The following XIST variants were observed in gnomAD, a reference collection of about 807,000 sequenced individuals.
XIST encodes the protein X inactive specific transcript.
chrX:73,849,335 C>T lies in XIST; in HGVS notation n.3389G>A, dbSNP rs906096456. ...ACAAAAGACGGGTTGTCTGCGACCC[C>T]CTGCTGAATGCAAATGGGGTTCAGA... is the stretch of plus-strand genomic sequence containing the variant. On this transcript the variant is annotated non_coding_transcript_exon_variant, in exon 1 of 6. Transcript: ENST00000429829. The T allele has an allele frequency of 7.2e-6, 4 of 557,123 alleles. No individual in the cohort carries two copies. The African/African-American group carries it at 8.9e-5, about 12-fold the overall frequency. The allele number at this position is 557,123 out of a possible 1,213,427, so 45.9% of individuals were successfully genotyped here.
exon 1 of XIST, chrX:73,850,758 T>TGGGGGGGGGGGGGGGGGGGGGGG: frequency 6.9e-6 from 1 of 144,530 alleles, no homozygotes; most frequent in Non-Finnish European, 1.3e-5. Flanking sequence ...TTGGGGGGGT[T>TGGGGGGGGGGGGGGGGGGGGGGG]GGGGGGTGGG....
At chrX:73,841,833 C>T (rs1922595785) in exon 1 of XIST, 2 of 513,166 alleles carry the variant, frequency 3.9e-6, no homozygotes, top group Non-Finnish European at 7.0e-6. Context: ...AGCACCTCTG[C>T]ATATGTTCCC....
exon 1 of XIST, chrX:73,843,825 G>A (rs1246078743): frequency 7.2e-6 from 4 of 558,754 alleles, no homozygotes; most frequent in Non-Finnish European, 1.3e-5. Context: ...CATATTAACA[G>A]TCCAAAACAA....
At chrX:73,852,583 G>A (rs751253925) in exon 1 of XIST, 2 of 491,655 alleles carry the variant, frequency 4.1e-6, no homozygotes, top group South Asian at 5.8e-5. Flanking sequence ...ATATTTTATG[G>A]AATTTAGGTG....
chrX:73,831,114 C>G, exon 4 of XIST: 1 of 558,186 alleles, frequency 1.8e-6, no homozygotes, highest in South Asian at 2.2e-5. Context: ...TATCTGGGAC[C>G]AGGAAAGTAT....
At chrX:73,826,305 A>T (rs770341302) in exon 6 of XIST, 2 of 559,228 alleles carry the variant, frequency 3.6e-6, no homozygotes, top group Non-Finnish European at 6.5e-6. Context: ...TGGGGTCAAA[A>T]GAAAGGACTG....
In XIST at chrX:73,848,663, G is replaced by A. The variant is rs371789423; in HGVS notation, n.4061C>T. 1.5e-3 allele frequency: 824 copies of A among 556,594 alleles called. 2 individuals carry two copies. Among genetic ancestry groups the A allele is most frequent in the South Asian group, 5.8e-3 (257 of 44,595 alleles). The allele number at this position is 556,594 out of a possible 1,213,427, so 45.9% of individuals were successfully genotyped here. On this transcript the variant is annotated non_coding_transcript_exon_variant, in exon 1 of 6. Transcript: ENST00000429829. Reference sequence around the variant, plus strand: ...AGCTGTTATTGAATAATCTGCACTCGTTAGCAACATCCCACAGAAGGTGGG... The same window carrying A: ...AGCTGTTATTGAATAATCTGCACTCATTAGCAACATCCCACAGAAGGTGGG...
At chrX:73,823,512 T>C (rs1366611194) in exon 6 of XIST, 2 of 541,137 alleles carry the variant, frequency 3.7e-6, no homozygotes, top group Non-Finnish European at 6.6e-6. Flanking sequence ...AATGGTATAT[T>C]CCACATAAAA....
exon 6 of XIST, chrX:73,825,734 T>C: frequency 1.9e-6 from 1 of 515,444 alleles, no homozygotes; most frequent in South Asian, 2.5e-5. Flanking sequence ...TGTGGACCCC[T>C]GATTTACATA....
exon 1 of XIST, chrX:73,850,775 G>C: frequency 2.0e-6 from 1 of 494,801 alleles, no homozygotes. Flanking sequence ...TGGGGGGGGA[G>C]GTATACTTAG....
exon 1 of XIST, chrX:73,843,816 A>G (rs769879284): frequency 4.5e-5 from 25 of 557,297 alleles, no homozygotes; most frequent in Non-Finnish European, 7.8e-5. Flanking sequence ...GTAATTGCAC[A>G]TATTAACAGT....
exon 6 of XIST, chrX:73,823,212 C>T (rs1330041928): frequency 3.7e-6 from 2 of 540,697 alleles, no homozygotes; most frequent in Admixed American, 4.7e-5. Context: ...TTATCAGTCT[C>T]CTGGCTTTAA....
intron 1 of XIST, among the ~76,000 whole-genome samples, chrX:73,839,114 G>T (rs1315595032): frequency 9.0e-6 from 1 of 111,465 alleles, no homozygotes; most frequent in Non-Finnish European, 1.9e-5. Context: ...TTTAAGACAT[G>T]AACTCCCTTC....
exon 1 of XIST, chrX:73,843,855 GAC>G: frequency 7.2e-6 from 4 of 558,707 alleles, no homozygotes; most frequent in Non-Finnish European, 1.3e-5. Context: ...GGTTGATCAG[GAC>G]ACCCTGTTGT....
At chrX:73,822,087 A>C (rs1312864901) in exon 6 of XIST, 4 of 558,938 alleles carry the variant, frequency 7.2e-6, no homozygotes, top group Non-Finnish European at 1.3e-5. Flanking sequence ...AATGCACTTC[A>C]AAACCAATTG....
At chrX:73,851,782 C>A in exon 1 of XIST, 1 of 558,892 alleles carries the variant, frequency 1.8e-6, no homozygotes, top group Non-Finnish European at 3.2e-6. Flanking sequence ...TTAGCACAAA[C>A]GACTAGCCCT....
At chrX:73,841,529 G>A (rs1176207644) in exon 1 of XIST, 1 of 558,195 alleles carries the variant, frequency 1.8e-6, no homozygotes, top group Non-Finnish European at 3.2e-6. Context: ...CTGTTGTGAT[G>A]ACTAGTTATT....
At chrX:73,849,712 G>T (rs766269882) in exon 1 of XIST, 5 of 554,854 alleles carry the variant, frequency 9.0e-6, no homozygotes, top group Non-Finnish European at 1.6e-5. Context: ...GCAATGCCAA[G>T]GGTAAACGGA....
chrX:73,834,165 C>T (rs1292751560), intron 2 of XIST, among the ~76,000 whole-genome samples: 1 of 111,928 alleles, frequency 8.9e-6, no homozygotes, highest in Non-Finnish European at 1.9e-5. Context: ...CATGTTTATG[C>T]ATTTACTCTA....
Sources: gnomAD v4.1 joint callset for allele counts (sites outside exome capture counted in the v4.1 genomes callset) on GRCh38, gnomAD v4.1.1 for gene constraint, MANE v1.5 for transcripts, NCBI Gene and HGNC (gene_info 2026-07-23, HGNC 2026-07-21) for gene names.